The following IPO4 variants were observed in gnomAD, a reference collection of about 807,000 sequenced individuals.
IPO4 encodes the protein importin-4.
Under a neutral mutation model 133.5 loss-of-function variants are expected in IPO4, and 91 were observed. The observed-to-expected ratio is 0.68, with a 90% CI of 0.58 to 0.81. The LOEUF is 0.81. Ranked by LOEUF, IPO4 falls within the 30% of genes least tolerant of loss-of-function variation. The probability of loss-of-function intolerance (pLI) is 0.00; values close to 1 mark genes in which losing one functional copy is unlikely to be tolerated. For missense variants in IPO4, 1,279 were observed against 1,386.2 expected (o/e 0.92, Z 1.23); for synonymous variants, 607 against 581.6 (o/e 1.04, Z -0.63).
rs2039192637 is a variant in IPO4, at chr14:24,184,648, A to G, written c.1636+2T>C. The G allele has an allele frequency of 1.3e-6, 2 of 1,584,406 alleles. No individual in the cohort carries two copies. The highest frequency in any genetic ancestry group is 1.7e-6 in the Non-Finnish European group (2 of 1,164,302). On this transcript the variant is annotated splice_donor_variant, in intron 16 of 29. Coordinates refer to ENST00000354464, the MANE Select transcript of IPO4 (RefSeq NM_024658.4). LOFTEE classifies it high-confidence loss of function. The stretch of plus-strand genomic sequence containing the variant: ...AGCCCCACCTGGGAACCTCTCACTC[A>G]CCCAGGCTCTGGATCTGCACAGGCT...
Position 24,187,538 on chromosome 14 carries a change from G to C in IPO4, c.450C>G (p.Pro150=). ...LLLSVVVTSR[P]EAFQPHHREL... ...CCCGGTGGTGGGGTTGGAAGGCCTCGGGCCGGGAGGTCACCACCACACTTA... is the reference window on the plus strand; with the variant it reads ...CCCGGTGGTGGGGTTGGAAGGCCTCCGGCCGGGAGGTCACCACCACACTTA... The change falls in exon 6 of 30, where the codon CCC becomes CCG. Residue 150 remains proline (P), a synonymous_variant. Transcript: ENST00000354464. The C allele has an allele frequency of 6.2e-7, 1 of 1,614,078 alleles. No individual in the cohort carries two copies. Among genetic ancestry groups the C allele is most frequent in the Non-Finnish European group, 8.5e-7 (1 of 1,180,020 alleles).
At chr14:24,182,526 C>T in intron 24 of IPO4, 123 bp from the exon 25 acceptor site, 2 of 1,375,930 alleles carry the variant, frequency 1.5e-6, no homozygotes, top group Non-Finnish European at 2.0e-6. Flanking sequence ...GGGCTGGCCC[C>T]TCTCAAGCTG....
chr14:24,188,741 G>C lies in IPO4; in HGVS notation c.47C>G (p.Pro16Arg). The C allele has an allele frequency of 6.5e-7, 1 of 1,548,744 alleles. No homozygotes were observed. The highest frequency in any genetic ancestry group is 8.7e-7 in the Non-Finnish European group (1 of 1,146,174). Reference sequence around the variant, plus strand: ...TACCCGACGGATGCGCTCGGTGTCCGGTAGCAGCAGCTCCCGTAGGAGCTG... The same window carrying C: ...TACCCGACGGATGCGCTCGGTGTCCCGTAGCAGCAGCTCCCGTAGGAGCTG... ...LEQLLRELLLPDTERIRRATE... is the reference protein window; with the variant it reads ...LEQLLRELLLRDTERIRRATE... Residue 16 changes from proline (P) to arginine (R), a missense_variant, in exon 1 of 30, where the codon CCG (proline) becomes CGG (arginine). Physicochemically the swap from Pro to Arg is moderately radical, Grantham distance 103. Around this residue, in one of 3 missense-constraint regions of IPO4, gnomAD observed 695 missense variants for 704.1 expected, o/e 0.99. Transcript: ENST00000354464.
Position 24,188,789 on chromosome 14 carries a change from G to C in IPO4, c.-2C>G. The C allele has an allele frequency of 6.7e-7, 1 of 1,501,040 alleles. No homozygotes were observed. Among genetic ancestry groups the C allele is most frequent in the East Asian group, 2.3e-5 (1 of 42,984 alleles). The allele number at this position is 1,501,040 out of a possible 1,614,324, so 93.0% of individuals were successfully genotyped here. A position where few individuals can be genotyped will look rare whatever the true frequency, so the allele number is the denominator to read the frequency against. On this transcript the variant is annotated 5_prime_UTR_variant, in exon 1 of 30. Coordinates refer to ENST00000354464, the MANE Select transcript of IPO4 (RefSeq NM_024658.4). ...CTGCTCTAGCCCGGCTGACTCCATG[G>C]CAGCAACTGAGCCGCCGCTACTGGG...
At chr14:24,186,020 T>A (rs764487878) in intron 11 of IPO4, 50 bp from the exon 12 acceptor site, 4 of 1,601,382 alleles carry the variant, frequency 2.5e-6, no homozygotes, top group Non-Finnish European at 3.4e-6. Flanking sequence ...AGCCTGCCCA[T>A]TCCTGTGGTA....
chr14:24,187,801 A>G lies in IPO4; in HGVS notation c.279-5T>C. Reference sequence around the variant, plus strand: ...AGGCTGAGGCTCACACAGTGCCTGCAAACAGGAGAGATCTCCTCCAATCAC... The same window carrying G: ...AGGCTGAGGCTCACACAGTGCCTGCGAACAGGAGAGATCTCCTCCAATCAC... On this transcript the variant is annotated splice_region_variant and splice_polypyrimidine_tract_variant and intron_variant, in intron 4 of 29. Transcript: ENST00000354464. The G allele has an allele frequency of 6.2e-6, 10 of 1,614,100 alleles. No individual in the cohort carries two copies. The highest frequency in any genetic ancestry group is 8.5e-6 in the Non-Finnish European group (10 of 1,180,002).
chr14:24,182,505 C>T, intron 24 of IPO4, 102 bp from the exon 25 acceptor site: 1 of 1,491,302 alleles, frequency 6.7e-7, no homozygotes, highest in East Asian at 2.4e-5. Context: ...TGGGGCTGCC[C>T]TTGGTTGATA....
rs1379092893 is a variant in IPO4 at position 24,187,487 on chromosome 14, A to G, written c.501T>C (p.Thr167=). ...HRELLRLLNE[T]LGEVGSPGLL... ...GCCCAGGAGAGCCCACCTCACCAAGAGTCTCATTCAGAAGCCGAAGAAGCT... is the reference window on the plus strand; with the variant it reads ...GCCCAGGAGAGCCCACCTCACCAAGGGTCTCATTCAGAAGCCGAAGAAGCT... The change falls in exon 6 of 30, where the codon ACT becomes ACC. Residue 167 remains threonine, a synonymous_variant. Coordinates refer to ENST00000354464, the MANE Select transcript of IPO4 (RefSeq NM_024658.4). 1 of 1,614,126 alleles carries G rather than the reference A, an allele frequency of 6.2e-7. No homozygotes were observed.
In IPO4 at chr14:24,185,493, A is replaced by G; in HGVS notation, c.1244T>C (p.Leu415Pro). ...DPSQVVRNAA[L>P]FALGQFSENL... ...TTCTGAGAACTGGCCCAGGGCAAAC[A>G]GCGCAGCATTGCGTACAACTTGCGA... is the stretch of plus-strand genomic sequence containing the variant. The change falls in exon 13 of 30, where the codon CTG (leucine) becomes CCG (proline). Residue 415 changes from leucine to proline, a missense_variant. Around this residue, in one of 3 missense-constraint regions of IPO4, gnomAD observed 695 missense variants for 704.1 expected, o/e 0.99. Transcript: ENST00000354464. 6.2e-7 allele frequency: 1 copy of G among 1,614,234 alleles called. No individual in the cohort carries two copies. Among genetic ancestry groups the G allele is most frequent in the Non-Finnish European group, 8.5e-7 (1 of 1,180,038 alleles).
chr14:24,185,207 G>A lies in IPO4; in HGVS notation c.1384C>T (p.Leu462=). The change falls in exon 14 of 30, where the codon CTG becomes TTG. Residue 462 remains leucine, a synonymous_variant. Transcript: ENST00000354464. ...THHLAKACYA[L]ENFVENLGPK... Reference sequence around the variant, plus strand: ...CCTAGGTTCTCCACAAAATTCTCCAGGGCATAGCAGGCCTTGGCTAGGTGG... The same window carrying A: ...CCTAGGTTCTCCACAAAATTCTCCAAGGCATAGCAGGCCTTGGCTAGGTGG... 1 of 1,614,124 alleles carries A rather than the reference G, an allele frequency of 6.2e-7. No individual in the cohort carries two copies. Among genetic ancestry groups the A allele is most frequent in the Non-Finnish European group, 8.5e-7 (1 of 1,180,010 alleles).
rs758564820 is a variant in IPO4 at position 24,182,420 on chromosome 14, G to T, written c.2473-17C>A. The stretch of plus-strand genomic sequence containing the variant: ...GTATTCAGCCTGTGGAGCCAGGTCA[G>T]GGGCTGGAGCACCAGGGCCAGCTCA... On this transcript the variant is annotated splice_polypyrimidine_tract_variant and intron_variant, in intron 24 of 29. Coordinates refer to ENST00000354464, the MANE Select transcript of IPO4 (RefSeq NM_024658.4). 1.5e-5 allele frequency: 19 copies of T among 1,282,618 alleles called. No homozygotes were observed. In the South Asian group the frequency reaches 1.9e-4, roughly 13 times the overall value. The allele number at this position is 1,282,618 out of a possible 1,614,324, so 79.5% of individuals were successfully genotyped here. A position where few individuals can be genotyped will look rare whatever the true frequency, so the allele number is the denominator to read the frequency against.
rs760298953 is a variant in IPO4 at position 24,186,796 on chromosome 14, C to T, written c.757-5G>A. 1.1e-4 allele frequency: 181 copies of T among 1,613,866 alleles called. No individual in the cohort carries two copies. Among genetic ancestry groups the T allele is most frequent in the Non-Finnish European group, 1.5e-4 (174 of 1,179,870 alleles). ...CAGGGCCACATTTCTAGCTACCTGT[C>T]CACAGAATAATAAAAATCAGCGACA... On this transcript the variant is annotated splice_polypyrimidine_tract_variant and splice_region_variant and intron_variant, in intron 8 of 29. Transcript: ENST00000354464.
intron 20 of IPO4, 25 bp from the exon 21 acceptor site, chr14:24,183,538 G>C: frequency 6.2e-7 from 1 of 1,614,060 alleles, no homozygotes; most frequent in Non-Finnish European, 8.5e-7. Flanking sequence ...ACAGCCGTGG[G>C]TAAGGGGCCC....
Position 24,183,143 on chromosome 14 carries a change from C to T in IPO4, c.2254G>A (p.Val752Met), listed in dbSNP as rs372694223. 86 of 1,613,310 alleles carry T rather than the reference C, an allele frequency of 5.3e-5. No homozygotes were observed. The highest frequency in any genetic ancestry group is 1.0e-4 in the Admixed American group (6 of 59,992). The change falls in exon 23 of 30, where the codon GTG (valine) becomes ATG (methionine). Residue 752 changes from valine (V) to methionine (M), a missense_variant. By Grantham distance (21) the Val-to-Met change is conservative. Transcript: ENST00000354464. Reference sequence around the variant, plus strand: ...TTCACTGCCTGCATGTAGGATGGCACGACTCGGGCCAGGGCAGCCTGCAAA... The same window carrying T: ...TTCACTGCCTGCATGTAGGATGGCATGACTCGGGCCAGGGCAGCCTGCAAA... ...AALQAALARV[V>M]PSYMQAVNRE... is the part of the protein sequence containing the mutation.
At position 24,181,802 on chromosome 14, in the gene IPO4, G is replaced by A. The variant is rs770452240; in HGVS notation, c.2849C>T (p.Ala950Val). Residue 950 changes from alanine to valine, a missense_variant, in exon 27 of 30, where the codon GCG becomes GTG. Coordinates refer to ENST00000354464, the MANE Select transcript of IPO4 (RefSeq NM_024658.4). The part of the protein sequence containing the change: ...KLLGLLFPLL[A>V]RERHDRVRDN... ...ACGGACACGATCATGTCGCTCCCGC[G>A]CCAGGAGGGGAAAAAGGAGCCCCAG... 10 of 1,597,826 alleles carry A rather than the reference G, an allele frequency of 6.3e-6. No individual in the cohort carries two copies. Among genetic ancestry groups the A allele is most frequent in the South Asian group, 2.2e-5 (2 of 89,004 alleles).
rs1343322396 is a variant in IPO4 at position 24,187,466 on chromosome 14, A to C, written c.522T>G (p.Pro174=). 2 of 1,614,218 alleles carry C rather than the reference A, an allele frequency of 1.2e-6. No individual in the cohort carries two copies. Among genetic ancestry groups the C allele is most frequent in the African/African-American group, 1.3e-5 (1 of 75,054 alleles). The change falls in exon 6 of 30, where the codon CCT becomes CCG. Residue 174 remains proline, a synonymous_variant. Transcript: ENST00000354464. ...TGCGCAGGGAGTAGAAGAGCAGCCCAGGAGAGCCCACCTCACCAAGAGTCT... is the reference window on the plus strand; with the variant it reads ...TGCGCAGGGAGTAGAAGAGCAGCCCCGGAGAGCCCACCTCACCAAGAGTCT... The part of the protein sequence containing the change: ...LNETLGEVGS[P]GLLFYSLRTL...
rs1287715830 is a variant in IPO4 at position 24,180,656 on chromosome 14, C to T, written c.3115+33G>A. ...TCTGAGCCCTGCCACTCCCAGCCTC[C>T]CGCAAGCCCCTGCCTATGACTCCTA... On this transcript the variant is annotated intron_variant, in intron 29 of 29. Transcript: ENST00000354464. 6 of 1,613,268 alleles carry T rather than the reference C, an allele frequency of 3.7e-6. No individual in the cohort carries two copies. In the Admixed American group the frequency reaches 1.0e-4, roughly 27 times the overall value.
rs1429961355 is a variant in IPO4, at chr14:24,187,593, G to C, written c.409-14C>G. The C allele has an allele frequency of 6.2e-7, 1 of 1,614,064 alleles. No individual in the cohort carries two copies. The highest frequency in any genetic ancestry group is 1.3e-5 in the African/African-American group (1 of 75,048). On this transcript the variant is annotated splice_polypyrimidine_tract_variant and intron_variant, in intron 5 of 29. Transcript: ENST00000354464. ...CAAAAGCCCCATCTGTCCAAGAATAGAGGATGGGAGAGCAAGCTTACAAGG... is the reference window on the plus strand; with the variant it reads ...CAAAAGCCCCATCTGTCCAAGAATACAGGATGGGAGAGCAAGCTTACAAGG...
At chr14:24,182,252 C>T in intron 25 of IPO4, 26 bp downstream of exon 25, 1 of 1,614,114 alleles carries the variant, frequency 6.2e-7, no homozygotes, top group Non-Finnish European at 8.5e-7. Flanking sequence ...GGGACTAGGG[C>T]TTGAAGCCAG....
Sources: gnomAD v4.1 joint callset for allele counts on GRCh38, gnomAD v4.1.1 for gene constraint, gnomAD v4.1.1 regional missense constraint, MANE v1.5 for transcripts, NCBI Gene and HGNC (gene_info 2026-07-23, HGNC 2026-07-21) for gene names.